The following SBNO1 variants were observed in gnomAD, a reference collection of about 807,000 sequenced individuals.
SBNO1 encodes the protein strawberry notch homolog 1, also known as protein strawberry notch homolog 1.
In SBNO1, 23 loss-of-function variants were observed where a neutral mutation model predicts 173.6. The observed-to-expected ratio is 0.13, with a 90% confidence interval of 0.10 to 0.19. SBNO1 has a LOEUF of 0.19. Among genes scored for constraint, SBNO1 ranks in the 10% least tolerant of loss-of-function variants. The probability of loss-of-function intolerance (pLI) is 1.00; values close to 1 mark genes in which losing one functional copy is unlikely to be tolerated. For synonymous variants in SBNO1, 632 were observed against 571.5 expected (o/e 1.11, Z -1.51); for missense variants, 1,238 against 1,671.2 (o/e 0.74, Z 4.52).
Position 123,351,121 on chromosome 12 carries a change from CAAAAAA to C in SBNO1, c.1-686_1-681del, listed in dbSNP as rs975451344. On this transcript the variant is annotated intron_variant, in intron 1 of 31. Coordinates refer to ENST00000602398, the MANE Select transcript of SBNO1 (RefSeq NM_001167856.3). ...TGGGTGACAGAGCGAGACTCCATCTCAAAAAAAAAAAAAAAGAAAAAGAAAACCTCT... is the reference window on the plus strand; with the variant it reads ...TGGGTGACAGAGCGAGACTCCATCTCAAAAAAAAAGAAAAAGAAAACCTCT... Among the ~76,000 whole-genome samples the C allele has an allele frequency of 4.1e-5, 6 of 146,246 alleles. No homozygotes were observed. The East Asian group carries it at 1.1e-3, about 27-fold the overall frequency.
chr12:123,345,612 TTCTC>T, intron 3 of SBNO1, 42 bp from the exon 4 acceptor site: 19 of 1,531,954 alleles, frequency 1.2e-5, no homozygotes, highest in Middle Eastern at 1.7e-4. Flanking sequence ...AAATGCTTCA[TTCTC>T]TAATGAAGCT....
chr12:123,321,228 C>A (rs923388416), intron 17 of SBNO1, among the ~76,000 whole-genome samples: 4 of 152,124 alleles, frequency 2.6e-5, no homozygotes, highest in Non-Finnish European at 5.9e-5. Flanking sequence ...CATGAGCCAC[C>A]GCGCCTGGAT....
chr12:123,331,153 G>A (rs1184697546), intron 8 of SBNO1, 89 bp downstream of exon 8: 21 of 1,313,534 alleles, frequency 1.6e-5, no homozygotes, highest in South Asian at 5.2e-5. Flanking sequence ...TAGTAGAGAC[G>A]GAGTTTCACT....
intron 16 of SBNO1, among the ~76,000 whole-genome samples, chr12:123,323,406 G>A (rs1009108122): frequency 4.6e-5 from 7 of 152,164 alleles, no homozygotes; most frequent in Admixed American, 3.9e-4. Context: ...CCAGGCTGGA[G>A]TGCAGCAGCG....
At chr12:123,342,956 AG>A (rs1454643309) in intron 4 of SBNO1, among the ~76,000 whole-genome samples, 2 of 152,198 alleles carry the variant, frequency 1.3e-5, no homozygotes, top group African/African-American at 4.8e-5. Flanking sequence ...AACTAATTAA[AG>A]TATTAACAGG....
chr12:123,348,466 C>CA (rs1161602388), intron 2 of SBNO1, among the ~76,000 whole-genome samples: 13 of 151,808 alleles, frequency 8.6e-5, no homozygotes, highest in Admixed American at 8.5e-4. Context: ...TACTAAAACA[C>CA]AAAAAATTAG....
chr12:123,334,004 TATAGA>T, intron 7 of SBNO1, 44 bp downstream of exon 7: 1 of 1,255,498 alleles, frequency 8.0e-7, no homozygotes, highest in East Asian at 2.8e-5. Context: ...AACTCTGTTA[TATAGA>T]ATAGGATAAA....
At chr12:123,311,704 C>T (rs1168466439) in intron 24 of SBNO1, among the ~76,000 whole-genome samples, 1 of 60,478 alleles carries the variant, frequency 1.7e-5, no homozygotes. Flanking sequence ...ATCTATCTAT[C>T]TATCTATCTA....
chr12:123,298,210 A>G lies in SBNO1; in HGVS notation c.3846-39T>C, dbSNP rs750082451. ...GAAAGAAATACATATGAGTGTCTAT[A>G]TATGCACACAGACACGTTTCTAAAA... is the stretch of plus-strand genomic sequence containing the variant. On this transcript the variant is annotated intron_variant, in intron 30 of 31. Transcript: ENST00000602398. 4 of 1,527,966 alleles carry G rather than the reference A, an allele frequency of 2.6e-6. No individual in the cohort carries two copies. In the Admixed American group the frequency reaches 6.2e-5, roughly 24 times the overall value. The allele number at this position is 1,527,966 out of a possible 1,614,324, so 94.7% of individuals were successfully genotyped here. A position where few individuals can be genotyped will look rare whatever the true frequency, so the allele number is the denominator to read the frequency against.
intron 1 of SBNO1, chr12:123,363,860 G>T: frequency 1.0e-6 from 1 of 985,612 alleles, no homozygotes; most frequent in Non-Finnish European, 1.2e-6. Flanking sequence ...GGAGCTGGAT[G>T]CCAGGGTCAG....
chr12:123,302,917 A>T lies in SBNO1; in HGVS notation c.3769-17T>A. ...TGAGACGACCTGTAAAAATGAGAAGAATTTCATTGAAAACAGTATTGCTTT... is the reference window on the plus strand; with the variant it reads ...TGAGACGACCTGTAAAAATGAGAAGTATTTCATTGAAAACAGTATTGCTTT... On this transcript the variant is annotated splice_polypyrimidine_tract_variant and intron_variant, in intron 29 of 31. Transcript: ENST00000602398. 1 of 1,580,676 alleles carries T rather than the reference A, an allele frequency of 6.3e-7. No individual in the cohort carries two copies. The highest frequency in any genetic ancestry group is 8.7e-7 in the Non-Finnish European group (1 of 1,149,898).
intron 21 of SBNO1, among the ~76,000 whole-genome samples, chr12:123,316,175 A>C (rs1048547281): frequency 1.3e-5 from 2 of 152,050 alleles, no homozygotes; most frequent in Admixed American, 1.3e-4. Flanking sequence ...TATATATAAC[A>C]CTCCTTAAAT....
At position 123,334,150 on chromosome 12, in the gene SBNO1, G is replaced by A. The variant is rs1255142754; in HGVS notation, c.812C>T (p.Pro271Leu). 2 of 1,604,054 alleles carry A rather than the reference G, an allele frequency of 1.2e-6. No individual in the cohort carries two copies. Among genetic ancestry groups the A allele is most frequent in the South Asian group, 1.1e-5 (1 of 87,408 alleles). The change falls in exon 7 of 32, where the codon CCT (proline) becomes CTT (leucine). Residue 271 changes from proline (P) to leucine (L), a missense_variant. Coordinates refer to ENST00000602398, the MANE Select transcript of SBNO1 (RefSeq NM_001167856.3). ...GGATGTTTTGTACCAAACATCAGGA[G>A]GAGTAACACTGGATAAAGAGCTGGT... ...VETSSLSSVT[P>L]PDVWYKTSIS...
chr12:123,337,063 G>T (rs1871939768), intron 5 of SBNO1, among the ~76,000 whole-genome samples: 2 of 152,128 alleles, frequency 1.3e-5, no homozygotes, highest in African/African-American at 4.8e-5. Context: ...CCCTTATGAA[G>T]AACAGAAAAA....
intron 1 of SBNO1, among the ~76,000 whole-genome samples, chr12:123,354,184 G>T (rs938583251): frequency 6.6e-5 from 10 of 152,120 alleles, no homozygotes; most frequent in African/African-American, 2.4e-4. Context: ...GACCAGCTTA[G>T]AACTCACTCA....
rs765391457 is a variant in SBNO1 at position 123,350,438 on chromosome 12, C to A, written c.4G>T (p.Val2Leu). The change falls in exon 2 of 32, where the codon GTG becomes TTG. Residue 2 changes from valine (V) to leucine (L), a missense_variant. Val to Leu is a conservative substitution (Grantham distance 32). This residue lies in a region of SBNO1 where 287 missense variants were observed against 274.1 expected (regional missense o/e 1.05). Transcript: ENST00000602398. The stretch of plus-strand genomic sequence containing the variant: ...AGCAGTAAATCTTGCCCTGGCTCCA[C>A]CATCTTTAAAGGGAAATATTAAATA... M[V>L]EPGQDLLLAA... The A allele has an allele frequency of 1.9e-6, 3 of 1,612,702 alleles. No homozygotes were observed. Among genetic ancestry groups the A allele is most frequent in the South Asian group, 1.1e-5 (1 of 91,040 alleles).
intron 1 of SBNO1, among the ~76,000 whole-genome samples, chr12:123,358,878 T>C (rs923181110): frequency 6.6e-6 from 1 of 152,076 alleles, no homozygotes; most frequent in African/African-American, 2.4e-5. Context: ...GTTCCAGTAC[T>C]TTTCAAACTA....
chr12:123,361,720 AAGAC>A (rs1875206605), intron 1 of SBNO1, among the ~76,000 whole-genome samples: 1 of 104,332 alleles, frequency 9.6e-6, no homozygotes, highest in African/African-American at 3.8e-5. Context: ...GTGACAGAGC[AAGAC>A]AGTCTAAAAA....
intron 30 of SBNO1, among the ~76,000 whole-genome samples, chr12:123,302,538 C>T (rs1037375956): frequency 1.3e-5 from 2 of 152,132 alleles, no homozygotes; most frequent in Non-Finnish European, 2.9e-5. Flanking sequence ...GCCACCACAC[C>T]CAGCCGTGAA....
Sources: gnomAD v4.1 joint callset for allele counts (sites outside exome capture counted in the v4.1 genomes callset) on GRCh38, gnomAD v4.1.1 for gene constraint, gnomAD v4.1.1 regional missense constraint, MANE v1.5 for transcripts, NCBI Gene and HGNC (gene_info 2026-07-23, HGNC 2026-07-21) for gene names.